Variants in PRKCE observed in about 807,000 individuals in gnomAD.
PRKCE encodes protein kinase C epsilon, also known as protein kinase C epsilon type.
Under a neutral mutation model 85.4 loss-of-function variants are expected in PRKCE, and 16 were observed. The observed-to-expected ratio is 0.19, with a 90% confidence interval of 0.13 to 0.28. PRKCE has a LOEUF of 0.28. Ranked by LOEUF, PRKCE falls within the 10% of genes least tolerant of loss-of-function variation. The pLI, the probability that PRKCE is intolerant of heterozygous loss-of-function variation, is 1.00. For missense variants in PRKCE, 573 were observed against 975.2 expected, an observed-to-expected ratio of 0.59 and a Z score of 5.49; for synonymous variants, 388 against 371.5, an observed-to-expected ratio of 1.04 and a Z score of -0.51.
At chr2:45,841,845 A>G (rs1311962870) in intron 1 of PRKCE, among the ~76,000 whole-genome samples, 1 of 152,206 alleles carries the variant, frequency 6.6e-6, no homozygotes, top group African/African-American at 2.4e-5. Flanking sequence ...CACTAGACTG[A>G]CTGTTCTGAA....
intron 10 of PRKCE, among the ~76,000 whole-genome samples, chr2:46,053,958 C>G (rs1666315066): frequency 6.6e-6 from 1 of 152,218 alleles, no homozygotes; most frequent in South Asian, 2.1e-4. Flanking sequence ...TCCACCGCAG[C>G]TGTACCATTT....
chr2:45,747,672 T>A (rs1265457872), intron 1 of PRKCE, among the ~76,000 whole-genome samples: 1 of 152,232 alleles, frequency 6.6e-6, no homozygotes, highest in Admixed American at 6.5e-5. Flanking sequence ...AACATGGGTA[T>A]ACAACTATCT....
In PRKCE at chr2:45,961,469, C is replaced by A. The variant is rs1267432049; in HGVS notation, c.413-14960C>A. Among the ~76,000 whole-genome samples, 8 of 152,294 alleles carry A rather than the reference C, an allele frequency of 5.3e-5. No homozygotes were observed. In the East Asian group the frequency reaches 1.5e-3, roughly 29 times the overall value. ...CCCCATAGCCTTTAGGGCTGCAATG[C>A]CTATGGCACTAAAAGTCTTGTTATT... On this transcript the variant is annotated intron_variant, in intron 2 of 14. Transcript: ENST00000306156.
intron 2 of PRKCE, among the ~76,000 whole-genome samples, chr2:45,943,345 T>C (rs1263124302): frequency 6.6e-6 from 1 of 152,240 alleles, no homozygotes; most frequent in African/African-American, 2.4e-5. Context: ...AGCCAGCACA[T>C]AGGAGTTGCA....
At chr2:45,887,810 G>T (rs537435249) in intron 2 of PRKCE, among the ~76,000 whole-genome samples, 29 of 152,328 alleles carry the variant, frequency 1.9e-4, no homozygotes, top group Middle Eastern at 3.4e-3. Context: ...TGAGCAAATG[G>T]CAGCTACTGC....
chr2:45,744,423 TTCTTTCTTTC>T (rs1454697965), intron 1 of PRKCE, among the ~76,000 whole-genome samples: 3 of 21,492 alleles, frequency 1.4e-4, no homozygotes, highest in African/African-American at 3.4e-4. Flanking sequence ...TTTTCTTTCT[TTCTTTCTTTC>T]TTTCTTTCTT....
intron 1 of PRKCE, among the ~76,000 whole-genome samples, chr2:45,685,087 A>C (rs1302421269): frequency 6.6e-6 from 1 of 152,252 alleles, no homozygotes; most frequent in South Asian, 2.1e-4. Context: ...AGACGAGAAT[A>C]AAAGGGCACT....
At chr2:45,915,501 C>T (rs565385116) in intron 2 of PRKCE, among the ~76,000 whole-genome samples, 43 of 152,244 alleles carry the variant, frequency 2.8e-4, no homozygotes, top group African/African-American at 1.0e-3. Flanking sequence ...AATTCAGCCT[C>T]CTTATCTTTA....
chr2:45,810,825 G>A (rs11900399), intron 1 of PRKCE, among the ~76,000 whole-genome samples: 11,994 of 152,176 alleles, frequency 0.079, 1,141 homozygotes, highest in African/African-American at 0.22. Context: ...GGGCACATTC[G>A]TATTATTAAC....
At chr2:46,064,280 C>CAAAAAAA (rs58347072) in intron 10 of PRKCE, among the ~76,000 whole-genome samples, 23 of 90,754 alleles carry the variant, frequency 2.5e-4, no homozygotes, top group Non-Finnish European at 3.7e-4. Flanking sequence ...GACTCTGTCT[C>CAAAAAAA]AAAAAAAAAA....
intron 10 of PRKCE, among the ~76,000 whole-genome samples, chr2:46,062,384 C>CAA (rs1229795646): frequency 1.3e-5 from 2 of 152,130 alleles, no homozygotes; most frequent in Non-Finnish European, 2.9e-5. Context: ...ATGTCCTACT[C>CAA]AAATTAGTCA....
At chr2:45,916,466 T>C (rs1335971779) in intron 2 of PRKCE, among the ~76,000 whole-genome samples, 1 of 152,144 alleles carries the variant, frequency 6.6e-6, no homozygotes, top group Non-Finnish European at 1.5e-5. Flanking sequence ...GATGGTCTTT[T>C]AATTCCTGAG....
At chr2:45,661,318 G>A (rs1246852854) in intron 1 of PRKCE, among the ~76,000 whole-genome samples, 5 of 151,680 alleles carry the variant, frequency 3.3e-5, no homozygotes, top group Non-Finnish European at 7.4e-5. Context: ...AAGTAGCTGG[G>A]ATTACAAGCA....
At chr2:45,797,152 GGTATAGTATCATTA>G (rs1044067597) in intron 1 of PRKCE, among the ~76,000 whole-genome samples, 6 of 152,144 alleles carry the variant, frequency 3.9e-5, no homozygotes, top group African/African-American at 1.4e-4. Context: ...GTATGTAACA[GGTATAGTATCATTA>G]GCTTGTTGTC....
intron 1 of PRKCE, among the ~76,000 whole-genome samples, chr2:45,703,053 T>C (rs1678801660): frequency 6.7e-6 from 1 of 149,492 alleles, no homozygotes; most frequent in African/African-American, 2.5e-5. Context: ...TCCTTATTCC[T>C]AACTAAAAGT....
chr2:46,057,565 G>C (rs559410602), intron 10 of PRKCE, among the ~76,000 whole-genome samples: 2 of 151,920 alleles, frequency 1.3e-5, no homozygotes, highest in South Asian at 4.2e-4. Context: ...CTCCCGAGTA[G>C]CTGGGATTAC....
chr2:46,087,701 T>C (rs574329273), intron 11 of PRKCE, among the ~76,000 whole-genome samples: 18 of 152,304 alleles, frequency 1.2e-4, no homozygotes, highest in African/African-American at 3.4e-4. Context: ...ACAGTTTCCA[T>C]TGGGTCAGGA....
chr2:46,160,764 A>G (rs949152703), intron 14 of PRKCE, among the ~76,000 whole-genome samples: 1 of 152,134 alleles, frequency 6.6e-6, no homozygotes, highest in Non-Finnish European at 1.5e-5. Context: ...TGCCTTGTGA[A>G]CCATCAGAGA....
chr2:46,116,026 A>G (rs1672733730), intron 11 of PRKCE, among the ~76,000 whole-genome samples: 1 of 152,198 alleles, frequency 6.6e-6, no homozygotes. Flanking sequence ...GTTTCTCCAT[A>G]AGGTGAATGA....
Sources: gnomAD v4.1 joint callset for allele counts (sites outside exome capture counted in the v4.1 genomes callset) on GRCh38, gnomAD v4.1.1 for gene constraint, MANE v1.5 for transcripts, NCBI Gene and HGNC (gene_info 2026-07-23, HGNC 2026-07-21) for gene names.